The following SGPP1 variants were observed in gnomAD, a reference collection of about 807,000 sequenced individuals.
SGPP1 encodes the protein sphingosine-1-phosphate phosphatase 1, also known as hSPP1.
SGPP1 carries 21 observed loss-of-function variants against 33.0 expected under a neutral mutation model. That is an observed-to-expected ratio of 0.64 (90% CI 0.45 to 0.92). SGPP1 has a LOEUF of 0.92. Among genes scored for constraint, SGPP1 ranks in the 40% least tolerant of loss-of-function variants. The probability of loss-of-function intolerance (pLI) is 0.00; values close to 1 mark genes in which losing one functional copy is unlikely to be tolerated. For synonymous variants in SGPP1, 239 were observed against 241.2 expected (o/e 0.99, Z 0.08); for missense variants, 543 against 589.4 (o/e 0.92, Z 0.81).
Position 63,686,673 on chromosome 14 carries a change from G to T in SGPP1, c.775-17C>A. ...AATAATATCCTAGGAAAAGATAAAA[G>T]TATCGTTGTTTAGTATAATACTGAA... is the stretch of plus-strand genomic sequence containing the variant. On this transcript the variant is annotated splice_polypyrimidine_tract_variant and intron_variant, in intron 2 of 2. Transcript: ENST00000247225. 6.5e-7 allele frequency: 1 copy of T among 1,543,724 alleles called. No individual in the cohort carries two copies. The highest frequency in any genetic ancestry group is 8.9e-7 in the Non-Finnish European group (1 of 1,129,658).
intron 1 of SGPP1, among the ~76,000 whole-genome samples, chr14:63,723,718 C>G (rs1398624931): frequency 7.6e-6 from 1 of 131,726 alleles, no homozygotes; most frequent in African/African-American, 2.7e-5. Flanking sequence ...GATTTCGTCT[C>G]AAAAAAAAAA....
chr14:63,703,655 CAAAAAAA>C (rs36065588), intron 1 of SGPP1, among the ~76,000 whole-genome samples: 1 of 38,944 alleles, frequency 2.6e-5, no homozygotes, highest in Non-Finnish European at 5.9e-5. Context: ...GACTCCATCT[CAAAAAAA>C]AAAAAAAAAA....
chr14:63,694,817 T>C (rs1407958369), intron 2 of SGPP1, among the ~76,000 whole-genome samples: 1 of 152,208 alleles, frequency 6.6e-6, no homozygotes, highest in Non-Finnish European at 1.5e-5. Flanking sequence ...CTATTTATTA[T>C]TATAAATAAC....
intron 1 of SGPP1, among the ~76,000 whole-genome samples, chr14:63,720,801 A>C (rs1406021234): frequency 6.6e-6 from 1 of 152,174 alleles, no homozygotes; most frequent in African/African-American, 2.4e-5. Flanking sequence ...GTATGTCTGC[A>C]AAAGTAGAGA....
chr14:63,685,440 A>C lies in SGPP1; in HGVS notation c.*665T>G, dbSNP rs1230974175. 1 of 152,480 alleles carries C rather than the reference A, an allele frequency of 6.6e-6. No homozygotes were observed. Among genetic ancestry groups the C allele is most frequent in the Non-Finnish European group, 1.5e-5 (1 of 67,934 alleles). The allele number at this position is 152,480 out of a possible 1,614,324, so 9.4% of individuals were successfully genotyped here. ...GCTGCAAATAAAGTTCATTCAAAAC[A>C]GTATACAGAACTTAAAAAAAAATCC... On this transcript the variant is annotated 3_prime_UTR_variant, in exon 3 of 3. Coordinates refer to ENST00000247225, the MANE Select transcript of SGPP1 (RefSeq NM_030791.4).
chr14:63,691,610 C>A (rs914711951), intron 2 of SGPP1, among the ~76,000 whole-genome samples: 1 of 152,056 alleles, frequency 6.6e-6, no homozygotes, highest in Non-Finnish European at 1.5e-5. Context: ...AAGTTCATAA[C>A]CCTTGCTGTA....
At chr14:63,696,284 C>A (rs1018976050) in intron 2 of SGPP1, among the ~76,000 whole-genome samples, 1 of 152,170 alleles carries the variant, frequency 6.6e-6, no homozygotes, top group Non-Finnish European at 1.5e-5. Flanking sequence ...CAAAAACAAA[C>A]AAGCAAGCAA....
At chr14:63,711,012 T>TTTG (rs1422444310) in intron 1 of SGPP1, among the ~76,000 whole-genome samples, 15 of 148,656 alleles carry the variant, frequency 1.0e-4, no homozygotes, top group African/African-American at 3.8e-4. Context: ...GATTGTTTTC[T>TTTG]TTCTTTTTTT....
At position 63,695,741 on chromosome 14, in the gene SGPP1, T is replaced by C. The variant is rs1885174718; in HGVS notation, c.774+2828A>G. Reference sequence around the variant, plus strand: ...GCCTGGGCAGCATAGCTAGACCCTATCTCTACAAAAAATTTAAAAATTAGC... The same window carrying C: ...GCCTGGGCAGCATAGCTAGACCCTACCTCTACAAAAAATTTAAAAATTAGC... On this transcript the variant is annotated intron_variant, in intron 2 of 2. Coordinates refer to ENST00000247225, the MANE Select transcript of SGPP1 (RefSeq NM_030791.4). 2.6e-5 allele frequency among the ~76,000 whole-genome samples: 4 copies of C among 152,138 alleles called. 1 individual carries two copies. The South Asian group carries it at 8.3e-4, about 32-fold the overall frequency.
intron 2 of SGPP1, among the ~76,000 whole-genome samples, chr14:63,693,458 T>C (rs1430263423): frequency 1.3e-5 from 2 of 152,238 alleles, no homozygotes; most frequent in Non-Finnish European, 2.9e-5. Context: ...AAAGTGTATA[T>C]ATTCTAAACT....
chr14:63,694,047 G>A (rs1228557493), intron 2 of SGPP1, among the ~76,000 whole-genome samples: 2 of 152,132 alleles, frequency 1.3e-5, no homozygotes, highest in African/African-American at 4.8e-5. Flanking sequence ...TGAGAGGTCA[G>A]GGCGAGTGGA....
At chr14:63,703,286 C>G (rs1041469739) in intron 1 of SGPP1, among the ~76,000 whole-genome samples, 1 of 151,616 alleles carries the variant, frequency 6.6e-6, no homozygotes, top group Admixed American at 6.6e-5. Flanking sequence ...AATACCCATA[C>G]CTAGGAATAA....
chr14:63,720,574 C>T (rs1370249045), intron 1 of SGPP1, among the ~76,000 whole-genome samples: 1 of 152,044 alleles, frequency 6.6e-6, no homozygotes, highest in Non-Finnish European at 1.5e-5. Flanking sequence ...GCCTGGCCAA[C>T]ATGCTGAAAC....
intron 1 of SGPP1, among the ~76,000 whole-genome samples, chr14:63,699,429 C>T (rs1455115532): frequency 6.6e-6 from 1 of 152,134 alleles, no homozygotes; most frequent in African/African-American, 2.4e-5. Flanking sequence ...TGCCTGATGA[C>T]TTCAAATTTC....
chr14:63,717,129 T>C (rs1885647397), intron 1 of SGPP1, among the ~76,000 whole-genome samples: 1 of 151,914 alleles, frequency 6.6e-6, no homozygotes, highest in Non-Finnish European at 1.5e-5. Context: ...AATTATACCC[T>C]ATCCTACTTG....
chr14:63,715,763 A>T (rs1465504834), intron 1 of SGPP1, among the ~76,000 whole-genome samples: 2 of 152,032 alleles, frequency 1.3e-5, no homozygotes, highest in African/African-American at 4.8e-5. Flanking sequence ...GAACTCATGA[A>T]GTTGCTGGCT....
rs1442074839 is a variant in SGPP1 at position 63,686,129 on chromosome 14, T to C, written c.1302A>G (p.Ile434Met). Residue 434 changes from isoleucine to methionine, a missense_variant, in exon 3 of 3, where the codon ATA becomes ATG. By Grantham distance (10) the Ile-to-Met change is conservative. Coordinates refer to ENST00000247225, the MANE Select transcript of SGPP1 (RefSeq NM_030791.4). ...ATCAAGAGATACCAATAAAGAAAAATATGTAAGGAACAAAAAATGTGATGG... is the reference window on the plus strand; with the variant it reads ...ATCAAGAGATACCAATAAAGAAAAACATGTAAGGAACAAAAAATGTGATGG... The part of the protein sequence containing the change: ...GFSITFFVPY[I>M]FFFIGIS The C allele has an allele frequency of 1.2e-6, 2 of 1,600,882 alleles. No individual in the cohort carries two copies. The highest frequency in any genetic ancestry group is 1.7e-6 in the Non-Finnish European group (2 of 1,172,828).
rs1447758793 is a variant in SGPP1, at chr14:63,686,335, T to C, written c.1096A>G (p.Ile366Val). The change falls in exon 3 of 3, where the codon ATA (isoleucine) becomes GTA (valine). Residue 366 changes from isoleucine to valine, a missense_variant. By Grantham distance (29) the Ile-to-Val change is conservative. Transcript: ENST00000247225. ...ACCATCCCTATGAGGATCCGCAATA[T>C]GGCTTTTCCAAACAGAGTCACAGTA... is the stretch of plus-strand genomic sequence containing the variant. ...PITVTLFGKA[I>V]LRILIGMVFV... 7.4e-6 allele frequency: 12 copies of C among 1,613,936 alleles called. No homozygotes were observed. The highest frequency in any genetic ancestry group is 8.5e-6 in the Non-Finnish European group (10 of 1,179,940).
At chr14:63,717,228 G>T (rs1286946216) in intron 1 of SGPP1, among the ~76,000 whole-genome samples, 2 of 145,044 alleles carry the variant, frequency 1.4e-5, no homozygotes, top group African/African-American at 5.2e-5. Flanking sequence ...AGGAAGCAGG[G>T]AAAGCAAAAA....
Sources: gnomAD v4.1 joint callset for allele counts (sites outside exome capture counted in the v4.1 genomes callset) on GRCh38, gnomAD v4.1.1 for gene constraint, MANE v1.5 for transcripts, NCBI Gene and HGNC (gene_info 2026-07-23, HGNC 2026-07-21) for gene names.